The following IMPDH1 variants were observed in gnomAD, a reference collection of about 807,000 sequenced individuals.
IMPDH1 encodes the protein inosine-5'-monophosphate dehydrogenase 1.
Under a neutral mutation model 73.5 loss-of-function variants are expected in IMPDH1, and 41 were observed. That is an observed-to-expected ratio of 0.56 (90% CI 0.43 to 0.72). IMPDH1 has a LOEUF of 0.72. IMPDH1 is among the 30% of genes least tolerant of loss of function. IMPDH1 has a pLI of 0.00. For synonymous variants in IMPDH1, 318 were observed against 334.3 expected (o/e 0.95, Z 0.53); for missense variants, 645 against 824.8 (o/e 0.78, Z 2.67).
chr7:128,405,484 C>G (rs1426099461), intron 4 of IMPDH1, among the ~76,000 whole-genome samples: 8 of 152,190 alleles, frequency 5.3e-5, no homozygotes, highest in Admixed American at 5.2e-4. Flanking sequence ...TCTCCAGTTC[C>G]CACACGCCCG....
chr7:128,407,627 C>G (rs948776445), intron 3 of IMPDH1, among the ~76,000 whole-genome samples: 2 of 152,186 alleles, frequency 1.3e-5, no homozygotes, highest in African/African-American at 4.8e-5. Flanking sequence ...CAACTGCAGG[C>G]ACAGAGCAGA....
At position 128,394,715 on chromosome 7, in the gene IMPDH1, T is replaced by TGG; in HGVS notation, c.1551-118_1551-117dup. The TGG allele has an allele frequency of 6.9e-7, 1 of 1,441,712 alleles. No individual in the cohort carries two copies. Among genetic ancestry groups the TGG allele is most frequent in the East Asian group, 2.3e-5 (1 of 43,114 alleles). 89.3% of individuals were successfully genotyped at this position (1,441,712 alleles called of 1,614,324 possible). A position where few individuals can be genotyped will look rare whatever the true frequency, so the allele number is the denominator to read the frequency against. ...GAAGGTCCCCCAGGCCACCCCTCAC[T>TGG]GGGCTGAGTCAGATGGCCCAGGGAC... On this transcript the variant is annotated intron_variant, in intron 14 of 16. Transcript: ENST00000338791. The surrounding 1 kb of genome is among the most constrained non-coding windows in gnomAD (Gnocchi z 5.5).
chr7:128,393,946 C>T (rs879885442), intron 16 of IMPDH1, among the ~76,000 whole-genome samples: 1 of 152,146 alleles, frequency 6.6e-6, no homozygotes, highest in Non-Finnish European at 1.5e-5. Flanking sequence ...TTCTGCCTGG[C>T]TGCCTGGTGC....
intron 9 of IMPDH1, among the ~76,000 whole-genome samples, chr7:128,399,142 T>G (rs1584730188): frequency 6.6e-6 from 1 of 152,064 alleles, no homozygotes; most frequent in African/African-American, 2.4e-5. Context: ...GGCAGGTGGA[T>G]CACTTGAGGC....
Position 128,405,808 on chromosome 7 carries a change from G to T in IMPDH1, c.312C>A (p.Thr104=). The T allele has an allele frequency of 6.5e-7, 1 of 1,543,522 alleles. No homozygotes were observed. The highest frequency in any genetic ancestry group is 8.7e-7 in the Non-Finnish European group (1 of 1,146,304). Residue 104 remains threonine, a synonymous_variant, in exon 4 of 17, where the codon ACC becomes ACA. Coordinates refer to ENST00000338791, the MANE Select transcript of IMPDH1 (RefSeq NM_000883.4). ...GTGYVPEDGL[T]AQQLFASADG... ...CGGCGCTGGCGAAGAGCTGCTGCGC[G>T]GTGAGCCCATCCTCGGGCACGTAGC... is the stretch of plus-strand genomic sequence containing the variant.
At chr7:128,406,879 A>G (rs1412507633) in intron 3 of IMPDH1, among the ~76,000 whole-genome samples, 1 of 152,222 alleles carries the variant, frequency 6.6e-6, no homozygotes, top group Non-Finnish European at 1.5e-5. Flanking sequence ...GTGCATACAA[A>G]TAAGAACAGG....
chr7:128,397,145 C>T, intron 10 of IMPDH1, 123 bp from the exon 11 acceptor site: 8 of 618,242 alleles, frequency 1.3e-5, no homozygotes, highest in Non-Finnish European at 2.0e-5. Context: ...CTCTTTCCTT[C>T]TGGTTGTTTT....
chr7:128,405,921 C>G, intron 3 of IMPDH1, 56 bp from the exon 4 acceptor site: 2 of 1,455,468 alleles, frequency 1.4e-6, no homozygotes, highest in Non-Finnish European at 1.8e-6. Context: ...CCGCCGCTGC[C>G]GCCGCTGCTG....
Position 128,402,924 on chromosome 7 carries a change from A to ATTGT in IMPDH1, c.402+781_402+782insACAA, listed in dbSNP as rs2116689634. Among the ~76,000 whole-genome samples the ATTGT allele has an allele frequency of 2.0e-5, 3 of 152,344 alleles. No individual in the cohort carries two copies. In the South Asian group the frequency reaches 6.2e-4, roughly 32 times the overall value. ...TGTAACTCTTTTAAACCCTCTTGCC[A>ATTGT]GTTCTTGTACATTGTGGATCAGTGA... is the stretch of plus-strand genomic sequence containing the variant. On this transcript the variant is annotated intron_variant, in intron 5 of 16. Transcript: ENST00000338791.
Position 128,394,980 on chromosome 7 carries a change from A to C in IMPDH1, c.1459T>G (p.Phe487Val). The change falls in exon 14 of 17, where the codon TTC becomes GTC. Residue 487 changes from phenylalanine (F) to valine (V), a missense_variant. This residue lies in a region of IMPDH1 where 459 missense variants were observed against 638.2 expected (regional missense o/e 0.72). Coordinates refer to ENST00000338791, the MANE Select transcript of IMPDH1 (RefSeq NM_000883.4). This position sits in a 1 kb window ranked among gnomAD's most constrained non-coding sequence, Gnocchi z 5.5. ...ATTEAPGEYF[F>V]SDGVRLKKYR... Reference sequence around the variant, plus strand: ...TTCTTGAGCCGCACCCCGTCTGAGAAGAAGTACTCGCCAGGGGCCTCCGTA... The same window carrying C: ...TTCTTGAGCCGCACCCCGTCTGAGACGAAGTACTCGCCAGGGGCCTCCGTA... 6.2e-7 allele frequency: 1 copy of C among 1,613,792 alleles called. No homozygotes were observed. Among genetic ancestry groups the C allele is most frequent in the Non-Finnish European group, 8.5e-7 (1 of 1,180,016 alleles).
chr7:128,392,919 G>T lies in IMPDH1; in HGVS notation c.*88C>A. ...GCTGGAGAACCCGTAGTGCAAATCT[G>T]TGGACCACTCAGTTATGGAGGGAGG... On this transcript the variant is annotated 3_prime_UTR_variant, in exon 17 of 17. Transcript: ENST00000338791. 7.5e-7 allele frequency: 1 copy of T among 1,339,642 alleles called. No homozygotes were observed. Among genetic ancestry groups the T allele is most frequent in the Non-Finnish European group, 1.1e-6 (1 of 931,178 alleles). The allele number at this position is 1,339,642 out of a possible 1,614,324, so 83.0% of individuals were successfully genotyped here.
chr7:128,392,974 T>A lies in IMPDH1; in HGVS notation c.*33A>T. On this transcript the variant is annotated 3_prime_UTR_variant, in exon 17 of 17. Coordinates refer to ENST00000338791, the MANE Select transcript of IMPDH1 (RefSeq NM_000883.4). ...GCCCAAAAGTGGACACTGGGGTGCA[T>A]CCCCTCCACCACCTCGGCCTCCACC... 6.2e-7 allele frequency: 1 copy of A among 1,611,272 alleles called. No individual in the cohort carries two copies. Among genetic ancestry groups the A allele is most frequent in the Non-Finnish European group, 8.5e-7 (1 of 1,177,704 alleles).
At chr7:128,407,013 G>A (rs1798821424) in intron 3 of IMPDH1, among the ~76,000 whole-genome samples, 1 of 152,206 alleles carries the variant, frequency 6.6e-6, no homozygotes, top group African/African-American at 2.4e-5. Flanking sequence ...GAAAGGTGGG[G>A]TGGTAGGAAG....
Position 128,395,306 on chromosome 7 carries a change from A to G in IMPDH1, c.1262-32T>C, listed in dbSNP as rs778132669. On this transcript the variant is annotated intron_variant, in intron 12 of 16. Coordinates refer to ENST00000338791, the MANE Select transcript of IMPDH1 (RefSeq NM_000883.4). ...GAGGGTGGGGTGCACAAGGCAGAGA[A>G]GAGTCAACAGCAACTCCGGGGCCTG... 3.1e-6 allele frequency: 5 copies of G among 1,611,468 alleles called. No homozygotes were observed. The Admixed American group carries it at 8.3e-5, about 27-fold the overall frequency.
chr7:128,395,052 T>C lies in IMPDH1; in HGVS notation c.1406-19A>G. On this transcript the variant is annotated intron_variant, in intron 13 of 16. Transcript: ENST00000338791. ...ATCATCACTACAGTGGGCAAGGGAT[T>C]AGTGCCTCCAGCCCACTAGTGCCAC... 6.2e-7 allele frequency: 1 copy of C among 1,613,846 alleles called. No individual in the cohort carries two copies. The highest frequency in any genetic ancestry group is 8.5e-7 in the Non-Finnish European group (1 of 1,180,014).
At position 128,400,822 on chromosome 7, in the gene IMPDH1, C is replaced by T. The variant is rs148157667; in HGVS notation, c.574G>A (p.Val192Ile). 2 of 1,613,928 alleles carry T rather than the reference C, an allele frequency of 1.2e-6. No individual in the cohort carries two copies. Among genetic ancestry groups the T allele is most frequent in the East Asian group, 2.2e-5 (1 of 44,892 alleles). ...GGGACAGGCCTGGTACTTGCCTTGACCTTCCGCACCTCGTTGGCCTGGAAC... is the reference window on the plus strand; with the variant it reads ...GGGACAGGCCTGGTACTTGCCTTGATCTTCCGCACCTCGTTGGCCTGGAAC... ...PEFQANEVRK[V>I]KKFEQGFITD... Residue 192 changes from valine to isoleucine, a missense_variant, in exon 7 of 17, where the codon GTC (valine) becomes ATC (isoleucine). By Grantham distance (29) the Val-to-Ile change is conservative. This residue lies in a region of IMPDH1 where 459 missense variants were observed against 638.2 expected (regional missense o/e 0.72). Coordinates refer to ENST00000338791, the MANE Select transcript of IMPDH1 (RefSeq NM_000883.4).
rs748397513 is a variant in IMPDH1 at position 128,398,436 on chromosome 7, G to T, written c.1052C>A (p.Ala351Glu). The T allele has an allele frequency of 5.0e-6, 8 of 1,613,188 alleles. No homozygotes were observed. The highest frequency in any genetic ancestry group is 5.9e-6 in the Non-Finnish European group (7 of 1,179,818). The change falls in exon 10 of 17, where the codon GCG becomes GAG. Residue 351 changes from alanine (A) to glutamate (E), a missense_variant. Physicochemically the swap from Ala to Glu is moderately radical, Grantham distance 107. Around this residue, in one of 2 missense-constraint regions of IMPDH1, gnomAD observed 459 missense variants for 638.2 expected, o/e 0.72. Transcript: ENST00000338791. The surrounding 1 kb of genome is among the most constrained non-coding windows in gnomAD (Gnocchi z 4.3). ...DKYRLDLLTQAGVDVIVLDSS... is the reference protein window; with the variant it reads ...DKYRLDLLTQEGVDVIVLDSS... Reference sequence around the variant, plus strand: ...TACCAAGACTATGACGTCGACGCCCGCCTGGGTGAGCAGGTCCAGACGGTA... The same window carrying T: ...TACCAAGACTATGACGTCGACGCCCTCCTGGGTGAGCAGGTCCAGACGGTA...
chr7:128,395,551 G>A (rs1017467154), intron 12 of IMPDH1, among the ~76,000 whole-genome samples: 3 of 152,228 alleles, frequency 2.0e-5, no homozygotes, highest in Non-Finnish European at 4.4e-5. Flanking sequence ...CCAGACAGGT[G>A]GCCCCAGCCT....
intron 3 of IMPDH1, among the ~76,000 whole-genome samples, chr7:128,406,180 C>G (rs1227852179): frequency 2.1e-5 from 1 of 48,612 alleles, no homozygotes; most frequent in Non-Finnish European, 3.7e-5. Flanking sequence ...AAGCCCGGAC[C>G]GGGTAGGAGG....
Sources: allele counts gnomAD v4.1 joint callset (sites outside exome capture counted in the v4.1 genomes callset), GRCh38; gene constraint gnomAD v4.1.1; regional missense constraint gnomAD v4.1.1; non-coding constraint Gnocchi (gnomAD v3.1); transcripts MANE v1.5; gene names NCBI Gene and HGNC (gene_info 2026-07-23, HGNC 2026-07-21).